ACBD6: variants seen among roughly 807,000 people sequenced by gnomAD.
ACBD6 encodes the protein acyl-CoA-binding domain-containing protein 6.
ACBD6 carries 28 observed loss-of-function variants against 37.2 expected under a neutral mutation model. The observed-to-expected ratio is 0.75, with a 90% CI of 0.56 to 1.03. ACBD6 has a LOEUF of 1.03. ACBD6 is among the 50% of genes least tolerant of loss of function. The probability of loss-of-function intolerance (pLI) is 0.00; values close to 1 mark genes in which losing one functional copy is unlikely to be tolerated. For synonymous variants in ACBD6, 113 were observed against 126.8 expected (o/e 0.89, Z 0.73); for missense variants, 340 against 337.4 (o/e 1.01, Z -0.06).
intron 6 of ACBD6, among the ~76,000 whole-genome samples, chr1:180,354,971 T>G (rs1454266006): frequency 6.6e-6 from 1 of 152,212 alleles, no homozygotes; most frequent in Non-Finnish European, 1.5e-5. Context: ...GATGCAGTAT[T>G]CCAGGTGGCT....
At chr1:180,467,703 C>A (rs181454771) in intron 3 of ACBD6, among the ~76,000 whole-genome samples, 10 of 152,106 alleles carry the variant, frequency 6.6e-5, no homozygotes, top group Admixed American at 5.2e-4. Flanking sequence ...TCTAAACATA[C>A]TGACCTACAC....
At chr1:180,493,385 C>G (rs950717392) in intron 2 of ACBD6, among the ~76,000 whole-genome samples, 1 of 151,916 alleles carries the variant, frequency 6.6e-6, no homozygotes, top group Non-Finnish European at 1.5e-5. Context: ...TCATCTACCC[C>G]CCTGCCCCCA....
At chr1:180,498,435 C>T (rs1651819118) in intron 1 of ACBD6, among the ~76,000 whole-genome samples, 1 of 152,202 alleles carries the variant, frequency 6.6e-6, no homozygotes, top group East Asian at 1.9e-4. Context: ...CATTTTGCGA[C>T]TCAGAAATTA....
chr1:180,285,353 A>G (rs576102378), downstream of ACBD6, among the ~76,000 whole-genome samples: 1 of 152,268 alleles, frequency 6.6e-6, no homozygotes, highest in African/African-American at 2.4e-5. Flanking sequence ...CCTTGTCTCA[A>G]AAAAAAGTGA....
intron 6 of ACBD6, among the ~76,000 whole-genome samples, chr1:180,384,941 C>A (rs1041630527): frequency 6.6e-5 from 10 of 151,982 alleles, no homozygotes; most frequent in African/African-American, 1.9e-4. Context: ...TATGTAGGAG[C>A]TAAAAAAGTT....
intron 7 of ACBD6, among the ~76,000 whole-genome samples, chr1:180,302,049 G>A (rs933572498): frequency 2.6e-5 from 4 of 151,536 alleles, no homozygotes; most frequent in East Asian, 1.9e-4. Flanking sequence ...TGGGGGGGGA[G>A]GGTGGAGGGA....
chr1:180,353,305 T>G (rs1292275296), intron 6 of ACBD6, among the ~76,000 whole-genome samples: 2 of 152,186 alleles, frequency 1.3e-5, no homozygotes, highest in African/African-American at 4.8e-5. Flanking sequence ...TCTTTAAGCT[T>G]TTCTTCACTG....
intron 6 of ACBD6, among the ~76,000 whole-genome samples, chr1:180,342,260 T>C (rs994139307): frequency 1.3e-5 from 2 of 152,136 alleles, no homozygotes; most frequent in African/African-American, 2.4e-5. Flanking sequence ...CTATTCTGCC[T>C]TCCAAGAGTA....
chr1:180,455,681 G>T (rs1253255945), intron 3 of ACBD6, among the ~76,000 whole-genome samples: 1 of 151,940 alleles, frequency 6.6e-6, no homozygotes, highest in Non-Finnish European at 1.5e-5. Flanking sequence ...TACTTTAATA[G>T]GTAATCCCCA....
chr1:180,274,064 C>T, exon 11 of ACBD6: 1 of 1,280,266 alleles, frequency 7.8e-7, no homozygotes, highest in Non-Finnish European at 1.1e-6. Flanking sequence ...CCATGCTTGG[C>T]TGCAAGGCAG....
At chr1:180,390,129 G>C (rs1347594883) in intron 6 of ACBD6, among the ~76,000 whole-genome samples, 1 of 152,086 alleles carries the variant, frequency 6.6e-6, no homozygotes, top group African/African-American at 2.4e-5. Context: ...GGTTTTTATG[G>C]TTTTAGGTCT....
intron 7 of ACBD6, among the ~76,000 whole-genome samples, chr1:180,309,325 T>A (rs893846841): frequency 6.6e-6 from 1 of 152,222 alleles, no homozygotes; most frequent in African/African-American, 2.4e-5. Flanking sequence ...CCTGTTGCTA[T>A]CTATAAATGC....
intron 3 of ACBD6, among the ~76,000 whole-genome samples, chr1:180,448,635 C>T (rs1649571276): frequency 6.6e-6 from 1 of 152,136 alleles, no homozygotes; most frequent in Non-Finnish European, 1.5e-5. Flanking sequence ...GCCCAGGCAG[C>T]TCTAGAGAAC....
intron 1 of ACBD6, among the ~76,000 whole-genome samples, chr1:180,495,739 AAAC>A (rs1310906485): frequency 6.6e-6 from 1 of 152,200 alleles, no homozygotes; most frequent in East Asian, 1.9e-4. Flanking sequence ...TTACTGCATA[AAAC>A]AACTATTATC....
chr1:180,432,091 C>T (rs2101999826), intron 3 of ACBD6, among the ~76,000 whole-genome samples: 1 of 151,960 alleles, frequency 6.6e-6, no homozygotes, highest in Admixed American at 6.6e-5. Flanking sequence ...ACTGTAGTAC[C>T]AGCTACCTAG....
chr1:180,359,561 G>C (rs1652768532), intron 6 of ACBD6, among the ~76,000 whole-genome samples: 1 of 152,174 alleles, frequency 6.6e-6, no homozygotes, highest in Admixed American at 6.5e-5. Context: ...TGGAAGAAAA[G>C]TGTTAAACAA....
chr1:180,349,600 A>C (rs1054184826), intron 6 of ACBD6, among the ~76,000 whole-genome samples: 5 of 151,794 alleles, frequency 3.3e-5, no homozygotes, highest in Admixed American at 6.6e-5. Context: ...TTTTTTTAGT[A>C]TAATAAATTT....
At chr1:180,323,051 T>C (rs1651132983) in intron 6 of ACBD6, among the ~76,000 whole-genome samples, 2 of 151,898 alleles carry the variant, frequency 1.3e-5, no homozygotes, top group African/African-American at 2.4e-5. Flanking sequence ...TTTTGGTATA[T>C]TTCGTTTTCA....
In ACBD6 at chr1:180,444,408, G is replaced by T. The variant is rs183629661; in HGVS notation, c.385-14146C>A. On this transcript the variant is annotated intron_variant, in intron 3 of 7. Transcript: ENST00000367595. The stretch of plus-strand genomic sequence containing the variant: ...CCTGGGATTAGTTCCTCTTTCTAAT[G>T]CAACTGCACAAATACACATGTTAGA... 8.7e-3 allele frequency among the ~76,000 whole-genome samples: 1,319 copies of T among 152,074 alleles called. 21 individuals are homozygous for T. The highest frequency in any genetic ancestry group is 0.03 in the African/African-American group (1,257 of 41,466).
Sources: gnomAD v4.1 joint callset for allele counts (sites outside exome capture counted in the v4.1 genomes callset) on GRCh38, gnomAD v4.1.1 for gene constraint, MANE v1.5 for transcripts, NCBI Gene and HGNC (gene_info 2026-07-23, HGNC 2026-07-21) for gene names.